Variants in CAPS2 observed in about 807,000 individuals in gnomAD.
CAPS2 encodes the protein calcyphosine 2.
Under a neutral mutation model 86.5 loss-of-function variants are expected in CAPS2, and 98 were observed. The observed-to-expected ratio is 1.13, with a 90% CI of 0.96 to 1.34. The LOEUF (loss-of-function observed/expected upper bound fraction) is 1.34, where lower values mean the gene tolerates loss of function less well. CAPS2 is among the 40% of genes most tolerant of loss of function. The pLI, the probability that CAPS2 is intolerant of heterozygous loss-of-function variation, is 0.00. For missense variants in CAPS2, 729 were observed against 686.8 expected, an observed-to-expected ratio of 1.06 and a Z score of -0.69; for synonymous variants, 210 against 225.1, an observed-to-expected ratio of 0.93 and a Z score of 0.60.
chr12:75,304,260 T>C (rs936125078), intron 8 of CAPS2, among the ~76,000 whole-genome samples: 19 of 152,338 alleles, frequency 1.2e-4, no homozygotes, highest in African/African-American at 4.3e-4. Context: ...TGGGTACTGG[T>C]AGATTTTTTT....
chr12:75,342,232 G>A (rs1238663535), intron 1 of CAPS2, among the ~76,000 whole-genome samples: 1 of 152,110 alleles, frequency 6.6e-6, no homozygotes, highest in East Asian at 1.9e-4. Context: ...ATTTATACAT[G>A]TGATAAAATC....
intron 1 of CAPS2, among the ~76,000 whole-genome samples, chr12:75,386,080 T>C (rs1163788135): frequency 6.6e-6 from 1 of 152,232 alleles, no homozygotes; most frequent in Non-Finnish European, 1.5e-5. Context: ...ATATCAGTAA[T>C]TCCCAATTTG....
At chr12:75,386,965 T>C (rs1187270247) in intron 1 of CAPS2, among the ~76,000 whole-genome samples, 1 of 151,906 alleles carries the variant, frequency 6.6e-6, no homozygotes, top group Admixed American at 6.6e-5. Flanking sequence ...TCCCAGAAGG[T>C]TATATAAGAG....
intron 7 of CAPS2, among the ~76,000 whole-genome samples, chr12:75,310,702 C>T (rs534917134): frequency 1.3e-5 from 2 of 152,156 alleles, no homozygotes; most frequent in South Asian, 2.1e-4. Flanking sequence ...CACAGTTATA[C>T]GACTCTGCTA....
At chr12:75,326,388 A>G in intron 1 of CAPS2, 30 bp downstream of exon 2, 1 of 893,740 alleles carries the variant, frequency 1.1e-6, no homozygotes, top group Non-Finnish European at 1.7e-6. Flanking sequence ...AGTCATCCTG[A>G]AAGAAGAAAA....
chr12:75,339,560 T>C (rs561933568), intron 1 of CAPS2, among the ~76,000 whole-genome samples: 1 of 152,348 alleles, frequency 6.6e-6, no homozygotes, highest in African/African-American at 2.4e-5. Flanking sequence ...ACTCTGATGA[T>C]ACTTTCTTTT....
rs553732004 is a variant in CAPS2 at position 75,378,780 on chromosome 12, T to C, written c.-395+12058A>G. ...AATATCTTTACAGCAACATCTAGAC[T>C]AGTACAACCAAACAACTGGTCACTG... On this transcript the variant is annotated intron_variant, in intron 1 of 5. Coordinates refer to the CAPS2 transcript ENST00000551829. Among the ~76,000 whole-genome samples, 6 of 152,306 alleles carry C rather than the reference T, an allele frequency of 3.9e-5. No homozygotes were observed. The East Asian group carries it at 1.2e-3, about 29-fold the overall frequency.
At chr12:75,347,678 T>C in intron 1 of CAPS2, 2 of 1,607,794 alleles carry the variant, frequency 1.2e-6, no homozygotes, top group Non-Finnish European at 1.7e-6. Flanking sequence ...GTCCTAACCT[T>C]GGGGGAGCTT....
At chr12:75,389,035 C>T (rs1427743109) in intron 1 of CAPS2, among the ~76,000 whole-genome samples, 1 of 152,166 alleles carries the variant, frequency 6.6e-6, no homozygotes, top group Non-Finnish European at 1.5e-5. Flanking sequence ...CTACCACTCC[C>T]TGGCTGGGTG....
chr12:75,370,187 A>G, intron 1 of CAPS2: 2 of 1,268,848 alleles, frequency 1.6e-6, no homozygotes, highest in Non-Finnish European at 2.3e-6. Flanking sequence ...TGTCATTTAT[A>G]TACAAAAGAA....
At chr12:75,305,972 A>C in intron 7 of CAPS2, 1 of 1,352,860 alleles carries the variant, frequency 7.4e-7, no homozygotes, top group Admixed American at 1.9e-5. Context: ...GGTGGCTCTG[A>C]GCAACAGCAG....
At position 75,289,764 on chromosome 12, in the gene CAPS2, CT is replaced by C; in HGVS notation, c.1251del (p.Glu418LysfsTer11). ...CGAACACCTCTTTTATGTAGTTTTT[CT>C]TTTAGCACATCTGTTCAACAAGAAG... On this transcript the variant is annotated frameshift_variant, in exon 14 of 17. Transcript: ENST00000393284. LOFTEE classifies it high-confidence loss of function. 1 of 1,610,848 alleles carries C rather than the reference CT, an allele frequency of 6.2e-7. No homozygotes were observed.
chr12:75,385,576 T>C (rs867415831), intron 1 of CAPS2, among the ~76,000 whole-genome samples: 1 of 152,230 alleles, frequency 6.6e-6, no homozygotes, highest in African/African-American at 2.4e-5. Flanking sequence ...CTCTCATCAC[T>C]GCTCTTCAAC....
chr12:75,314,238 T>A (rs760310486), intron 6 of CAPS2, among the ~76,000 whole-genome samples: 1 of 152,146 alleles, frequency 6.6e-6, no homozygotes, highest in Non-Finnish European at 1.5e-5. Flanking sequence ...GTTTTAATAA[T>A]AATGTTAAAC....
At chr12:75,320,307 C>A (rs1352557448) in intron 5 of CAPS2, among the ~76,000 whole-genome samples, 1 of 152,128 alleles carries the variant, frequency 6.6e-6, no homozygotes. Flanking sequence ...TGCTGCCACT[C>A]AGTAAGGCAT....
At chr12:75,343,614 C>T (rs2042258596) in intron 1 of CAPS2, 1 of 1,099,186 alleles carries the variant, frequency 9.1e-7, no homozygotes, top group East Asian at 2.7e-5. Flanking sequence ...TTAAGCAAAA[C>T]TTAGTTGATT....
In CAPS2 at chr12:75,304,892, A is replaced by G; in HGVS notation, c.660-16T>C. ...GATGACAGCCCTATACAGGAAAATAAAAAGTCCAACAATTAAATATGATCA... is the reference window on the plus strand; with the variant it reads ...GATGACAGCCCTATACAGGAAAATAGAAAGTCCAACAATTAAATATGATCA... On this transcript the variant is annotated splice_polypyrimidine_tract_variant and intron_variant, in intron 7 of 16. Transcript: ENST00000393284. 6.2e-7 allele frequency: 1 copy of G among 1,602,100 alleles called. No individual in the cohort carries two copies. Among genetic ancestry groups the G allele is most frequent in the South Asian group, 1.1e-5 (1 of 88,830 alleles).
chr12:75,291,567 G>GTATATATATATATA (rs66622366), intron 13 of CAPS2, among the ~76,000 whole-genome samples, 177 bp downstream of exon 13: 1 of 27,706 alleles, frequency 3.6e-5, no homozygotes, highest in Non-Finnish European at 6.1e-5. Context: ...ATTTTTAAAA[G>GTATATATATATATA]TATATATATA....
chr12:75,365,685 C>G (rs747301949), intron 1 of CAPS2, among the ~76,000 whole-genome samples: 10 of 152,082 alleles, frequency 6.6e-5, no homozygotes, highest in Non-Finnish European at 1.5e-4. Context: ...ATTACATTTA[C>G]CTCATTATTT....
Sources: allele counts gnomAD v4.1 joint callset (sites outside exome capture counted in the v4.1 genomes callset), GRCh38; gene constraint gnomAD v4.1.1; transcripts MANE v1.5; gene names NCBI Gene and HGNC (gene_info 2026-07-23, HGNC 2026-07-21).